CFAP20DC: variants seen among roughly 807,000 people sequenced by gnomAD.
CFAP20DC encodes CFAP20 domain containing.
In CFAP20DC, 84 loss-of-function variants were observed where a neutral mutation model predicts 101.7. The ratio of observed to expected loss-of-function variants is 0.83; its 90% confidence interval spans 0.69 to 0.99. CFAP20DC has a LOEUF of 0.99. Ranked by LOEUF, CFAP20DC falls within the 50% of genes least tolerant of loss-of-function variation. CFAP20DC has a pLI of 0.00. For missense variants in CFAP20DC, 1,007 were observed against 970.3 expected, an observed-to-expected ratio of 1.04 and a Z score of -0.50; for synonymous variants, 359 against 351.2, an observed-to-expected ratio of 1.02 and a Z score of -0.25.
chr3:58,816,700 G>T (rs941628709), intron 14 of CFAP20DC, among the ~76,000 whole-genome samples: 1 of 152,200 alleles, frequency 6.6e-6, no homozygotes, highest in Non-Finnish European at 1.5e-5. Flanking sequence ...CAAGGTGGAA[G>T]CGAGGCTGGG....
rs75919399 is a variant in CFAP20DC at position 58,758,413 on chromosome 3, T to C, written c.2238-4550A>G. ...CTTTAGTTCTGAACCATTTCGTGGG[T>C]TGGCTTCTTACCCAGACACCTGTGC... On this transcript the variant is annotated intron_variant, in intron 15 of 16. Transcript: ENST00000482387. 5.5e-4 allele frequency among the ~76,000 whole-genome samples: 84 copies of C among 152,196 alleles called. 1 individual carries two copies. In the East Asian group the frequency reaches 0.014, roughly 25 times the overall value.
At chr3:58,836,015 G>T (rs753024830) in intron 13 of CFAP20DC, among the ~76,000 whole-genome samples, 2 of 152,138 alleles carry the variant, frequency 1.3e-5, no homozygotes, top group African/African-American at 2.4e-5. Flanking sequence ...TCCTAGGAAC[G>T]AGGCAATGGG....
intron 4 of CFAP20DC, among the ~76,000 whole-genome samples, chr3:58,968,272 T>C (rs111496376): frequency 1.3e-5 from 2 of 152,174 alleles, no homozygotes; most frequent in African/African-American, 4.8e-5. Flanking sequence ...TTTTAGCTCT[T>C]TGAGGAATCA....
At chr3:58,884,455 T>G in intron 7 of CFAP20DC, 90 bp downstream of exon 7, 1 of 1,200,158 alleles carries the variant, frequency 8.3e-7, no homozygotes, top group Non-Finnish European at 1.2e-6. Context: ...TATAGAAGAA[T>G]GAGGTACAGT....
At chr3:59,042,357 T>C (rs985231772) in intron 3 of CFAP20DC, among the ~76,000 whole-genome samples, 1 of 151,826 alleles carries the variant, frequency 6.6e-6, no homozygotes, top group African/African-American at 2.4e-5. Flanking sequence ...GTGAAGAATA[T>C]AAGTCATCCT....
intron 3 of CFAP20DC, among the ~76,000 whole-genome samples, chr3:58,718,104 CAT>C (rs2067421704): frequency 6.6e-6 from 1 of 152,148 alleles, no homozygotes; most frequent in Non-Finnish European, 1.5e-5. Flanking sequence ...TATGGGGTCA[CAT>C]CATGTTGAAC....
At chr3:58,811,472 T>G (rs1005679168) in intron 14 of CFAP20DC, among the ~76,000 whole-genome samples, 1 of 152,110 alleles carries the variant, frequency 6.6e-6, no homozygotes, top group Non-Finnish European at 1.5e-5. Context: ...CCCTATTTAA[T>G]AAATGGTGCT....
chr3:58,980,037 T>C (rs2092458624), intron 4 of CFAP20DC, among the ~76,000 whole-genome samples: 1 of 152,194 alleles, frequency 6.6e-6, no homozygotes, highest in Non-Finnish European at 1.5e-5. Context: ...GGAAGTATGT[T>C]GCCTTAGTGA....
intron 14 of CFAP20DC, among the ~76,000 whole-genome samples, chr3:58,818,986 C>T (rs1221424572): frequency 1.3e-5 from 2 of 150,972 alleles, no homozygotes; most frequent in African/African-American, 2.5e-5. Flanking sequence ...GATTAAGAAT[C>T]TCACTCAAAC....
intron 4 of CFAP20DC, among the ~76,000 whole-genome samples, chr3:58,966,309 G>T (rs1021042001): frequency 1.4e-4 from 22 of 152,102 alleles, no homozygotes; most frequent in Admixed American, 4.6e-4. Flanking sequence ...AGACCACTAT[G>T]TCCTTATTTG....
Position 58,849,077 on chromosome 3 carries a change from C to T in CFAP20DC, c.1926G>A (p.Leu642=). ...TCAGCCTTTCCCCTGAGATTTCTTT[C>T]AGGGAGGTTTTGTTTAGTGAAGCTG... ...QVPASLNKTS[L]KEISGERLSS... Residue 642 remains leucine, a synonymous_variant, in exon 13 of 17, where the codon CTG becomes CTA. Transcript: ENST00000482387. The T allele has an allele frequency of 6.5e-7, 1 of 1,536,000 alleles. No homozygotes were observed. Among genetic ancestry groups the T allele is most frequent in the African/African-American group, 1.4e-5 (1 of 73,146 alleles).
At chr3:59,016,499 T>C (rs1279245822) in intron 4 of CFAP20DC, among the ~76,000 whole-genome samples, 1 of 152,098 alleles carries the variant, frequency 6.6e-6, no homozygotes, top group Non-Finnish European at 1.5e-5. Flanking sequence ...TTGTAATTTA[T>C]TGTATATTTT....
At chr3:59,043,887 G>A (rs1699632947) in intron 3 of CFAP20DC, among the ~76,000 whole-genome samples, 1 of 152,136 alleles carries the variant, frequency 6.6e-6, no homozygotes, top group Non-Finnish European at 1.5e-5. Flanking sequence ...TAGTTTCATA[G>A]TATGGCAAAT....
chr3:58,929,254 T>C lies in CFAP20DC; in HGVS notation c.393+8394A>G, dbSNP rs114608122. On this transcript the variant is annotated intron_variant, in intron 5 of 16. Transcript: ENST00000482387. ...CATGAATGTGCACTATGTGTGTGGG[T>C]TACAGCCACATACATAATACTCAGA... 4.7e-3 allele frequency among the ~76,000 whole-genome samples: 714 copies of C among 152,316 alleles called. 3 individuals carry two copies. The highest frequency in any genetic ancestry group is 0.017 in the African/African-American group (686 of 41,570).
intron 3 of CFAP20DC, chr3:58,727,674 G>C (rs1350573508): frequency 6.6e-6 from 1 of 152,204 alleles, no homozygotes; most frequent in African/African-American, 2.4e-5. Flanking sequence ...CCGGACCTCA[G>C]GTGATCCACC....
chr3:58,887,700 T>C (rs560310825), intron 6 of CFAP20DC, among the ~76,000 whole-genome samples: 1 of 152,330 alleles, frequency 6.6e-6, no homozygotes, highest in Non-Finnish European at 1.5e-5. Flanking sequence ...GGCTCAAATC[T>C]AATCTGCATC....
intron 4 of CFAP20DC, among the ~76,000 whole-genome samples, chr3:58,958,925 T>C (rs1279725397): frequency 6.6e-6 from 1 of 151,940 alleles, no homozygotes; most frequent in Non-Finnish European, 1.5e-5. Context: ...CATTTACTTA[T>C]GTCTTTTGAA....
At chr3:58,951,530 G>A (rs369656255) in intron 4 of CFAP20DC, among the ~76,000 whole-genome samples, 1 of 152,244 alleles carries the variant, frequency 6.6e-6, no homozygotes, top group East Asian at 1.9e-4. Flanking sequence ...ATGATAGACT[G>A]GATTAAGAAA....
intron 13 of CFAP20DC, among the ~76,000 whole-genome samples, chr3:58,832,737 A>G (rs2076482856): frequency 6.6e-6 from 1 of 152,204 alleles, no homozygotes; most frequent in Admixed American, 6.5e-5. Flanking sequence ...ACAGATCTTT[A>G]GATGCTAGTA....
Sources: gnomAD v4.1 joint callset for allele counts (sites outside exome capture counted in the v4.1 genomes callset) on GRCh38, gnomAD v4.1.1 for gene constraint, MANE v1.5 for transcripts, NCBI Gene and HGNC (gene_info 2026-07-23, HGNC 2026-07-21) for gene names.